Variants in CASP5 observed in about 807,000 individuals in gnomAD.
The protein encoded by CASP5 is caspase 5.
A neutral mutation model predicts 45.2 loss-of-function variants in CASP5; 42 were observed. The ratio of observed to expected loss-of-function variants is 0.93; its 90% CI spans 0.73 to 1.20. CASP5 has a LOEUF of 1.20. Among genes scored for constraint, CASP5 ranks in the 50% most tolerant of loss-of-function variants. CASP5 has a pLI of 0.00. For synonymous variants in CASP5, 209 were observed against 186.2 expected, an observed-to-expected ratio of 1.12 and a Z score of -1.00; for missense variants, 512 against 532.2, an observed-to-expected ratio of 0.96 and a Z score of 0.37.
At chr11:104,996,558 G>A (rs958219346) in intron 8 of CASP5, among the ~76,000 whole-genome samples, 1 of 152,060 alleles carries the variant, frequency 6.6e-6, no homozygotes, top group Non-Finnish European at 1.5e-5. Flanking sequence ...ACTTTCCTGT[G>A]TTAATACCAA....
chr11:104,997,540 T>G (rs1014510010), intron 7 of CASP5, 48 bp from the exon 8 acceptor site: 1 of 1,213,730 alleles, frequency 8.2e-7, no homozygotes, highest in African/African-American at 1.5e-5. Context: ...TTTCACTATG[T>G]TTTTGTTTAT....
intron 1 of CASP5, among the ~76,000 whole-genome samples, chr11:105,011,409 A>G (rs1034126407): frequency 2.0e-5 from 3 of 151,750 alleles, no homozygotes; most frequent in Non-Finnish European, 3.0e-5. Context: ...GGACAAACAC[A>G]CCCACTTTCA....
At position 105,009,162 on chromosome 11, in the gene CASP5, A is replaced by G. The variant is rs1030161736; in HGVS notation, c.8-182T>C. The G allele has an allele frequency of 1.5e-5, 9 of 619,664 alleles. No homozygotes were observed. In the East Asian group the frequency reaches 2.5e-4, roughly 17 times the overall value. 38.4% of individuals were successfully genotyped at this position (619,664 alleles called of 1,614,324 possible). On this transcript the variant is annotated intron_variant, in intron 1 of 9. Coordinates refer to ENST00000260315, the MANE Select transcript of CASP5 (RefSeq NM_004347.5). ...TTCTCTCACCCATCAAATTCCTACC[A>G]GGCTGTGTTTAACAATTCATTGCCA... is the stretch of plus-strand genomic sequence containing the variant.
chr11:105,003,319 A>G lies in CASP5; in HGVS notation c.498T>C (p.Cys166=). ...SAESTNILKL[C]PREEFLRLCK... is the part of the protein sequence containing the mutation. ...ACAGTCTCAGGAATTCTTCACGAGG[A>G]CAAAGTTTGAGTATATTTGTAGATT... The change falls in exon 4 of 10, where the codon TGT becomes TGC. Residue 166 remains cysteine, a synonymous_variant. Coordinates refer to ENST00000260315, the MANE Select transcript of CASP5 (RefSeq NM_004347.5). 1 of 1,608,098 alleles carries G rather than the reference A, an allele frequency of 6.2e-7. No individual in the cohort carries two copies. Among genetic ancestry groups the G allele is most frequent in the Non-Finnish European group, 8.5e-7 (1 of 1,177,568 alleles).
intron 1 of CASP5, among the ~76,000 whole-genome samples, chr11:105,013,071 C>T (rs1055226348): frequency 4.6e-5 from 7 of 151,880 alleles, no homozygotes; most frequent in African/African-American, 1.7e-4. Context: ...CATAATGCAA[C>T]AGTATTCAGC....
chr11:105,009,740 T>TATACAC (rs1862190225), intron 1 of CASP5, among the ~76,000 whole-genome samples: 3 of 73,204 alleles, frequency 4.1e-5, no homozygotes, highest in African/African-American at 1.7e-4. Flanking sequence ...TATATATATA[T>TATACAC]ATATATATAT....
chr11:104,994,302 G>A lies in CASP5; in HGVS notation c.*50C>T, dbSNP rs1861360083. ...GACTATGCAAGCTATACTGGTAAAT[G>A]TGCTCTTTGATGTTGACAGAGGAGG... is the stretch of plus-strand genomic sequence containing the variant. On this transcript the variant is annotated 3_prime_UTR_variant, in exon 10 of 10. Transcript: ENST00000260315. 3 of 152,194 alleles carry A rather than the reference G, an allele frequency of 2.0e-5. No individual in the cohort carries two copies. The highest frequency in any genetic ancestry group is 2.0e-4 in the Admixed American group (3 of 15,268). 9.4% of individuals were successfully genotyped at this position (152,194 alleles called of 1,614,324 possible). A position where few individuals can be genotyped will look rare whatever the true frequency, so the allele number is the denominator to read the frequency against.
intron 1 of CASP5, among the ~76,000 whole-genome samples, chr11:105,019,160 G>A (rs1862802714): frequency 6.6e-6 from 1 of 151,098 alleles, no homozygotes; most frequent in Admixed American, 6.7e-5. Context: ...AAAGCAGTGT[G>A]TAGAGGGAAA....
At chr11:105,020,465 G>A (rs542613310) in intron 1 of CASP5, among the ~76,000 whole-genome samples, 9 of 148,208 alleles carry the variant, frequency 6.1e-5, no homozygotes, top group Non-Finnish European at 1.3e-4. Flanking sequence ...AAAGTCTCAG[G>A]ATACAAAATC....
At chr11:105,009,744 T>TACACAC in intron 1 of CASP5, among the ~76,000 whole-genome samples, 1 of 69,290 alleles carries the variant, frequency 1.4e-5, no homozygotes, top group African/African-American at 7.8e-5. Flanking sequence ...TATATATATA[T>TACACAC]ATATATATAT....
At position 105,007,154 on chromosome 11, in the gene CASP5, T is replaced by G; in HGVS notation, c.362A>C (p.Lys121Thr). Reference sequence around the variant, plus strand: ...AAACATTTGATGAGCCACGCGATTCTTTCGCAAAGAGTCTACCAAGATCAG... The same window carrying G: ...AAACATTTGATGAGCCACGCGATTCGTTCGCAAAGAGTCTACCAAGATCAG... ...KALILVDSLR[K>T]NRVAHQMFTQ... Residue 121 changes from lysine to threonine, a missense_variant, in exon 3 of 10, where the codon AAG becomes ACG. Lys to Thr is a moderately conservative substitution (Grantham distance 78). Transcript: ENST00000260315. 6.2e-7 allele frequency: 1 copy of G among 1,613,878 alleles called. No homozygotes were observed. The highest frequency in any genetic ancestry group is 8.5e-7 in the Non-Finnish European group (1 of 1,179,782).
At chr11:105,009,769 AC>A in intron 1 of CASP5, among the ~76,000 whole-genome samples, 1 of 64,952 alleles carries the variant, frequency 1.5e-5, no homozygotes, top group Admixed American at 1.5e-4. Context: ...ACACACACAC[AC>A]GTATATATAT....
At chr11:105,016,645 G>A (rs186920347) in intron 1 of CASP5, among the ~76,000 whole-genome samples, 8,858 of 152,038 alleles carry the variant, frequency 0.058, 781 homozygotes, top group African/African-American at 0.2. Context: ...CACCTGGCTC[G>A]GAGGGTCCTA....
chr11:105,016,523 T>C (rs574717985), intron 1 of CASP5, among the ~76,000 whole-genome samples: 7 of 152,286 alleles, frequency 4.6e-5, no homozygotes, highest in African/African-American at 1.4e-4. Context: ...GGAGTTCCCT[T>C]TCCTAGTCAA....
chr11:105,000,742 G>T (rs1469018937), intron 5 of CASP5, among the ~76,000 whole-genome samples: 2 of 150,648 alleles, frequency 1.3e-5, no homozygotes, highest in African/African-American at 2.4e-5. Context: ...TTAATATATT[G>T]TATATTTTTA....
chr11:105,022,132 G>A (rs1862998168), intron 1 of CASP5, among the ~76,000 whole-genome samples: 1 of 142,406 alleles, frequency 7.0e-6, no homozygotes, highest in South Asian at 2.3e-4. Context: ...GACACAGGAA[G>A]GGGAACATCA....
In CASP5 at chr11:105,002,138, A is replaced by G. The variant is rs975854552; in HGVS notation, c.607T>C (p.Phe203Leu). The change falls in exon 5 of 10, where the codon TTT (phenylalanine) becomes CTT (leucine). Residue 203 changes from phenylalanine (F) to leucine (L), a missense_variant. By Grantham distance (22) the Phe-to-Leu change is conservative. Transcript: ENST00000260315. ...RLALIICNTK[F>L]DHLPARNGAH... The stretch of plus-strand genomic sequence containing the variant: ...CCATTCCTTGCAGGCAGGTGATCAA[A>G]CTTTGTATTGCATATGATGAGAGCC... 1 of 1,613,964 alleles carries G rather than the reference A, an allele frequency of 6.2e-7. No homozygotes were observed. Among genetic ancestry groups the G allele is most frequent in the African/African-American group, 1.3e-5 (1 of 74,900 alleles).
intron 7 of CASP5, among the ~76,000 whole-genome samples, 155 bp downstream of exon 7, chr11:104,998,730 A>G (rs1472876652): frequency 6.6e-6 from 1 of 152,142 alleles, no homozygotes; most frequent in Non-Finnish European, 1.5e-5. Context: ...GAAGGAATCT[A>G]TTCTCACAGC....
chr11:105,007,017 A>G (rs1209120357), intron 3 of CASP5, 66 bp downstream of exon 3: 7 of 1,331,338 alleles, frequency 5.3e-6, no homozygotes, highest in Non-Finnish European at 6.3e-6. Flanking sequence ...ATAACACTGC[A>G]TGGGCCTTGG....
Sources: allele counts gnomAD v4.1 joint callset (sites outside exome capture counted in the v4.1 genomes callset), GRCh38; gene constraint gnomAD v4.1.1; transcripts MANE v1.5; gene names NCBI Gene and HGNC (gene_info 2026-07-23, HGNC 2026-07-21).